The following ITGB1 variants were observed in gnomAD, a reference collection of about 807,000 sequenced individuals.
ITGB1 encodes the protein integrin beta-1.
ITGB1 carries 24 observed loss-of-function variants against 86.5 expected under a neutral mutation model. The ratio of observed to expected loss-of-function variants is 0.28; its 90% CI spans 0.20 to 0.39. The LOEUF is 0.39. Among genes scored for constraint, ITGB1 ranks in the 10% least tolerant of loss-of-function variants. The pLI is 1.00. For missense variants in ITGB1, 556 were observed against 946.9 expected, an observed-to-expected ratio of 0.59 and a Z score of 5.42; for synonymous variants, 323 against 316.8, an observed-to-expected ratio of 1.02 and a Z score of -0.21.
intron 2 of ITGB1, among the ~76,000 whole-genome samples, chr10:32,934,071 T>C (rs2094992895): frequency 6.6e-6 from 1 of 152,156 alleles, no homozygotes; most frequent in African/African-American, 2.4e-5. Context: ...ATCTGATTAT[T>C]TCCTTATAAT....
intron 9 of ITGB1, among the ~76,000 whole-genome samples, chr10:32,920,982 A>AAAAAACAAAAAC (rs71030022): frequency 1.0e-4 from 15 of 149,842 alleles, no homozygotes; most frequent in Admixed American, 2.0e-4. Flanking sequence ...GACTCCATCT[A>AAAAAACAAAAAC]AAAAACAAAA....
At chr10:32,946,229 A>G (rs56848972) in intron 1 of ITGB1, among the ~76,000 whole-genome samples, 9,880 of 152,296 alleles carry the variant, frequency 0.065, 549 homozygotes, top group South Asian at 0.27. Context: ...ATGTAAAGTA[A>G]GCATACTTTG....
chr10:32,932,153 A>G (rs11596885), intron 3 of ITGB1, among the ~76,000 whole-genome samples: 14,359 of 152,174 alleles, frequency 0.094, 870 homozygotes, highest in Admixed American at 0.2. Flanking sequence ...TGAGCTACAA[A>G]TATATGTATT....
At chr10:32,924,348 AAAGT>A (rs2094958538) in intron 6 of ITGB1, among the ~76,000 whole-genome samples, 3 of 152,220 alleles carry the variant, frequency 2.0e-5, no homozygotes, top group Non-Finnish European at 2.9e-5. Flanking sequence ...TAAAGAATCT[AAAGT>A]AACTGTAAAA....
chr10:32,907,365 G>A (rs2094899650), intron 15 of ITGB1, among the ~76,000 whole-genome samples: 1 of 152,042 alleles, frequency 6.6e-6, no homozygotes, highest in South Asian at 2.1e-4. Flanking sequence ...TTGCTTTCTT[G>A]TATCAAAAGA....
intron 11 of ITGB1, 65 bp downstream of exon 11, chr10:32,919,820 A>C: frequency 1.4e-6 from 2 of 1,426,354 alleles, no homozygotes; most frequent in Non-Finnish European, 2.0e-6. Context: ...ATGTCCCAAA[A>C]TATGACCTGC....
intron 1 of ITGB1, among the ~76,000 whole-genome samples, chr10:32,949,925 A>G (rs1318241180): frequency 6.6e-6 from 1 of 152,102 alleles, no homozygotes; most frequent in Non-Finnish European, 1.5e-5. Context: ...TACACTTTAG[A>G]AAAAAATTGT....
intron 14 of ITGB1, among the ~76,000 whole-genome samples, chr10:32,908,737 AATTT>A (rs2094904295): frequency 6.6e-6 from 1 of 151,568 alleles, no homozygotes; most frequent in African/African-American, 2.4e-5. Flanking sequence ...CTATATATAT[AATTT>A]ATTTCTACAT....
chr10:32,929,667 C>T (rs2094976751), intron 4 of ITGB1, among the ~76,000 whole-genome samples, 155 bp downstream of exon 4: 1 of 152,074 alleles, frequency 6.6e-6, no homozygotes, highest in Non-Finnish European at 1.5e-5. Flanking sequence ...GTTATATCTG[C>T]AAAAATTTTC....
At chr10:32,955,935 GT>G (rs2095051347) in intron 1 of ITGB1, among the ~76,000 whole-genome samples, 1 of 152,126 alleles carries the variant, frequency 6.6e-6, no homozygotes, top group African/African-American at 2.4e-5. Context: ...AAAATTGTAG[GT>G]TTAGGTCTGA....
chr10:32,901,642 C>CAA lies in ITGB1; in HGVS notation c.2332-9_2332-8dup. Reference sequence around the variant, plus strand: ...TATAAATAGGATTTTCACCCTACAACAAAAAAAAAGTGAGAAAAATTATCA... The same window carrying CAA: ...TATAAATAGGATTTTCACCCTACAACAAAAAAAAAAAGTGAGAAAAATTATCA... On this transcript the variant is annotated splice_region_variant and splice_polypyrimidine_tract_variant and intron_variant, in intron 15 of 15. Coordinates refer to ENST00000302278, the MANE Select transcript of ITGB1 (RefSeq NM_002211.4). The CAA allele has an allele frequency of 2.0e-6, 3 of 1,494,142 alleles. No individual in the cohort carries two copies. Among genetic ancestry groups the CAA allele is most frequent in the Non-Finnish European group, 2.7e-6 (3 of 1,094,518 alleles). The allele number at this position is 1,494,142 out of a possible 1,614,324, so 92.6% of individuals were successfully genotyped here. A position where few individuals can be genotyped will look rare whatever the true frequency, so the allele number is the denominator to read the frequency against.
intron 11 of ITGB1, among the ~76,000 whole-genome samples, chr10:32,914,554 A>T (rs1440416372): frequency 6.6e-6 from 1 of 152,202 alleles, no homozygotes. Context: ...AACAAAGATC[A>T]AAAGGGACAA....
chr10:32,910,606 G>C, intron 13 of ITGB1, 151 bp from the exon 14 acceptor site: 1 of 551,114 alleles, frequency 1.8e-6, no homozygotes, highest in Non-Finnish European at 3.2e-6. Context: ...CATTACATTT[G>C]TGGATAGAAA....
At chr10:32,954,535 T>A (rs867179622) in intron 1 of ITGB1, among the ~76,000 whole-genome samples, 1 of 152,208 alleles carries the variant, frequency 6.6e-6, no homozygotes, top group Non-Finnish European at 1.5e-5. Context: ...CATGTACTTC[T>A]ACAGCAATAT....
intron 13 of ITGB1, 90 bp from the exon 14 acceptor site, chr10:32,910,545 A>C (rs2094910105): frequency 2.5e-6 from 2 of 784,904 alleles, no homozygotes; most frequent in Non-Finnish European, 4.0e-6. Flanking sequence ...AACTCTTGTG[A>C]CCAAATTGAA....
chr10:32,948,499 C>CTA (rs1053297919), intron 1 of ITGB1, among the ~76,000 whole-genome samples: 11 of 152,082 alleles, frequency 7.2e-5, no homozygotes, highest in African/African-American at 2.7e-4. Context: ...TTGAGGTTTG[C>CTA]TATGCTTTGA....
chr10:32,958,107 G>A (rs1202916649), intron 1 of ITGB1, 38 bp downstream of exon 1: 2 of 150,352 alleles, frequency 1.3e-5, no homozygotes, highest in Non-Finnish European at 3.0e-5. Context: ...CGGAGGCCGC[G>A]GCCCGCGCTC....
chr10:32,929,044 C>T (rs1314324663), intron 4 of ITGB1, among the ~76,000 whole-genome samples: 2 of 151,964 alleles, frequency 1.3e-5, no homozygotes, highest in Admixed American at 1.3e-4. Flanking sequence ...GAGAGGAAAA[C>T]TGACATTTAG....
chr10:32,950,755 T>G (rs1165992497), intron 1 of ITGB1, among the ~76,000 whole-genome samples: 2 of 151,906 alleles, frequency 1.3e-5, no homozygotes, highest in Admixed American at 1.3e-4. Flanking sequence ...ACAATGATAA[T>G]GATAGCCTGG....
Sources: allele counts gnomAD v4.1 joint callset (sites outside exome capture counted in the v4.1 genomes callset), GRCh38; gene constraint gnomAD v4.1.1; transcripts MANE v1.5; gene names NCBI Gene and HGNC (gene_info 2026-07-23, HGNC 2026-07-21).